Variants in ZDHHC2 observed in about 807,000 individuals in gnomAD.
ZDHHC2 encodes palmitoyltransferase ZDHHC2.
Under a neutral mutation model 55.6 loss-of-function variants are expected in ZDHHC2, and 51 were observed. That is an observed-to-expected ratio of 0.92 (90% CI 0.73 to 1.16). The LOEUF (loss-of-function observed/expected upper bound fraction) is 1.16, where lower values mean the gene tolerates loss of function less well. Among genes scored for constraint, ZDHHC2 ranks in the 50% most tolerant of loss-of-function variants. ZDHHC2 has a pLI of 0.00. For synonymous variants in ZDHHC2, 199 were observed against 152.9 expected (o/e 1.30, Z -2.22); for missense variants, 491 against 442.4 (o/e 1.11, Z -0.99).
chr8:17,169,834 T>C, intron 1 of ZDHHC2, among the ~76,000 whole-genome samples: 1 of 152,182 alleles, frequency 6.6e-6, no homozygotes, highest in East Asian at 1.9e-4. Flanking sequence ...TATTGATGAC[T>C]GGATTCTTCA....
At chr8:17,158,170 G>A (rs1804158611) in intron 1 of ZDHHC2, among the ~76,000 whole-genome samples, 1 of 152,160 alleles carries the variant, frequency 6.6e-6, no homozygotes, top group Non-Finnish European at 1.5e-5. Context: ...ATTTAGGTAT[G>A]CAGTCGTCAA....
At chr8:17,174,644 T>A (rs1219197078) in intron 1 of ZDHHC2, among the ~76,000 whole-genome samples, 2 of 151,900 alleles carry the variant, frequency 1.3e-5, no homozygotes, top group Admixed American at 6.6e-5. Flanking sequence ...AGACTTCCCA[T>A]ATCTTGGTTT....
chr8:17,195,984 G>T (rs1411712117), intron 4 of ZDHHC2, among the ~76,000 whole-genome samples: 1 of 152,132 alleles, frequency 6.6e-6, no homozygotes, highest in Admixed American at 6.5e-5. Flanking sequence ...AGCAGTATCT[G>T]TAATGAATAT....
At chr8:17,178,216 A>C (rs895311817) in intron 1 of ZDHHC2, among the ~76,000 whole-genome samples, 1 of 152,222 alleles carries the variant, frequency 6.6e-6, no homozygotes, top group Non-Finnish European at 1.5e-5. Flanking sequence ...CATTTAGGAC[A>C]GTAACACTTT....
intron 1 of ZDHHC2, among the ~76,000 whole-genome samples, chr8:17,164,460 T>A (rs1297427446): frequency 3.9e-5 from 6 of 152,150 alleles, no homozygotes; most frequent in African/African-American, 1.4e-4. Context: ...TATCCTGAAG[T>A]TTCTCCTCAT....
chr8:17,213,380 A>G (rs886940937), intron 10 of ZDHHC2, among the ~76,000 whole-genome samples: 1 of 151,880 alleles, frequency 6.6e-6, no homozygotes, highest in African/African-American at 2.4e-5. Context: ...CAGCCTCCCC[A>G]GTAGCTGGAA....
chr8:17,219,252 T>TAA (rs71212684), intron 12 of ZDHHC2, among the ~76,000 whole-genome samples: 2,752 of 49,574 alleles, frequency 0.056, 407 homozygotes, highest in Non-Finnish European at 0.078. Context: ...AGCAAGACTC[T>TAA]AAAAAAAAAA....
At chr8:17,199,980 C>A (rs1313095175) in intron 6 of ZDHHC2, among the ~76,000 whole-genome samples, 1 of 152,052 alleles carries the variant, frequency 6.6e-6, no homozygotes, top group Non-Finnish European at 1.5e-5. Context: ...TGGTCTCGAA[C>A]TCTTGACCTT....
intron 1 of ZDHHC2, among the ~76,000 whole-genome samples, chr8:17,167,407 G>A (rs962274200): frequency 1.4e-5 from 2 of 146,254 alleles, no homozygotes; most frequent in South Asian, 2.2e-4. Flanking sequence ...CCGAGTTCAA[G>A]TAATTCTCCC....
intron 3 of ZDHHC2, among the ~76,000 whole-genome samples, chr8:17,188,025 T>G (rs539427624): frequency 6.6e-6 from 1 of 152,354 alleles, no homozygotes; most frequent in East Asian, 1.9e-4. Flanking sequence ...ATTCTTCTCC[T>G]GGTAATTTGG....
At chr8:17,172,557 G>C (rs937731779) in intron 1 of ZDHHC2, among the ~76,000 whole-genome samples, 3 of 152,164 alleles carry the variant, frequency 2.0e-5, no homozygotes, top group African/African-American at 7.2e-5. Flanking sequence ...TGCACTTACA[G>C]TTATTTCAGA....
At chr8:17,164,172 G>A (rs1335044319) in intron 1 of ZDHHC2, among the ~76,000 whole-genome samples, 2 of 152,094 alleles carry the variant, frequency 1.3e-5, no homozygotes, top group East Asian at 3.8e-4. Flanking sequence ...CATTTATGTA[G>A]CATTTTTCCT....
At chr8:17,194,767 AT>A (rs1487551735) in intron 3 of ZDHHC2, among the ~76,000 whole-genome samples, 5 of 152,136 alleles carry the variant, frequency 3.3e-5, no homozygotes, top group African/African-American at 1.2e-4. Flanking sequence ...TCATACTCCA[AT>A]TTATCCATCA....
rs1218789023 is a variant in ZDHHC2, at chr8:17,222,794, C to T, written c.*2573C>T. Reference sequence around the variant, plus strand: ...CACTGACAATGTAAATTATTTTAAGCATAAATTTTCCTAATAGTTTATTAG... The same window carrying T: ...CACTGACAATGTAAATTATTTTAAGTATAAATTTTCCTAATAGTTTATTAG... On this transcript the variant is annotated 3_prime_UTR_variant, in exon 13 of 13. Coordinates refer to ENST00000262096, the MANE Select transcript of ZDHHC2 (RefSeq NM_016353.5). The T allele has an allele frequency of 6.6e-6, 1 of 151,740 alleles. No individual in the cohort carries two copies. The highest frequency in any genetic ancestry group is 2.4e-5 in the African/African-American group (1 of 41,380). The allele number at this position is 151,740 out of a possible 1,614,324, so 9.4% of individuals were successfully genotyped here. A position where few individuals can be genotyped will look rare whatever the true frequency, so the allele number is the denominator to read the frequency against.
rs1242601323 is a variant in ZDHHC2 at position 17,223,988 on chromosome 8, G to C, written c.*3767G>C. The C allele has an allele frequency of 6.6e-6, 1 of 151,624 alleles. No homozygotes were observed. The allele number at this position is 151,624 out of a possible 1,614,324, so 9.4% of individuals were successfully genotyped here. A position where few individuals can be genotyped will look rare whatever the true frequency, so the allele number is the denominator to read the frequency against. ...AACTATGAATATGAAGTATCTCCCA[G>C]AACAATGTTGAGTGTTTCAGGAGAC... On this transcript the variant is annotated 3_prime_UTR_variant, in exon 13 of 13. Coordinates refer to ENST00000262096, the MANE Select transcript of ZDHHC2 (RefSeq NM_016353.5).
At chr8:17,170,440 GT>G (rs1804804578) in intron 1 of ZDHHC2, among the ~76,000 whole-genome samples, 1 of 152,122 alleles carries the variant, frequency 6.6e-6, no homozygotes, top group Non-Finnish European at 1.5e-5. Context: ...TCCTTATATA[GT>G]TTCTTTCTCT....
At chr8:17,196,371 C>G (rs988839156) in intron 4 of ZDHHC2, among the ~76,000 whole-genome samples, 1 of 151,930 alleles carries the variant, frequency 6.6e-6, no homozygotes, top group Non-Finnish European at 1.5e-5. Context: ...GTTTCAAAGA[C>G]TTAGTATGAA....
intron 1 of ZDHHC2, among the ~76,000 whole-genome samples, chr8:17,169,009 T>C (rs1377314568): frequency 5.9e-5 from 9 of 152,214 alleles, no homozygotes; most frequent in African/African-American, 1.4e-4. Context: ...AATACCTGTT[T>C]GAGTCCCTGC....
chr8:17,188,452 A>ATAGTTT (rs1805842228), intron 3 of ZDHHC2, among the ~76,000 whole-genome samples: 1 of 152,214 alleles, frequency 6.6e-6, no homozygotes, highest in Non-Finnish European at 1.5e-5. Flanking sequence ...CCTGTATACA[A>ATAGTTT]CATGGCATTA....
Sources: gnomAD v4.1 joint callset for allele counts (sites outside exome capture counted in the v4.1 genomes callset) on GRCh38, gnomAD v4.1.1 for gene constraint, MANE v1.5 for transcripts, NCBI Gene and HGNC (gene_info 2026-07-23, HGNC 2026-07-21) for gene names.